The following POLR1B variants were observed in gnomAD, a reference collection of about 807,000 sequenced individuals.
POLR1B encodes RNA polymerase I subunit B.
A neutral mutation model predicts 105.8 loss-of-function variants in POLR1B; 30 were observed. The ratio of observed to expected loss-of-function variants is 0.28; its 90% CI spans 0.21 to 0.38. The LOEUF (loss-of-function observed/expected upper bound fraction) is 0.38, where lower values mean the gene tolerates loss of function less well. Ranked by LOEUF, POLR1B falls within the 10% of genes least tolerant of loss-of-function variation. POLR1B has a pLI of 1.00. For synonymous variants in POLR1B, 485 were observed against 505.1 expected (o/e 0.96, Z 0.53); for missense variants, 976 against 1,435.8 (o/e 0.68, Z 5.17).
chr2:112,573,734 T>C lies in POLR1B; in HGVS notation c.2444T>C (p.Ile815Thr). 1.2e-6 allele frequency: 2 copies of C among 1,614,238 alleles called. No individual in the cohort carries two copies. The highest frequency in any genetic ancestry group is 1.7e-6 in the Non-Finnish European group (2 of 1,180,034). ...TTAGATGACGATGGATTGCCGTTTA[T>C]AGGAGCAAAACTGCAGTACGGAGAT... ...QKLDDDGLPF[I>T]GAKLQYGDPY... Residue 815 changes from isoleucine to threonine, a missense_variant, in exon 14 of 15, where the codon ATA becomes ACA. Physicochemically the swap from Ile to Thr is moderately conservative, Grantham distance 89 (BLOSUM62 -1). Around this residue, in one of 12 missense-constraint regions of POLR1B, gnomAD observed 119 missense variants for 149.7 expected, o/e 0.79. Coordinates refer to ENST00000263331, the MANE Select transcript of POLR1B (RefSeq NM_019014.6).
chr2:112,556,113 C>G (rs1683645489), intron 7 of POLR1B, among the ~76,000 whole-genome samples: 1 of 152,204 alleles, frequency 6.6e-6, no homozygotes, highest in African/African-American at 2.4e-5. Flanking sequence ...ATGAAGTGTT[C>G]AGTGTACACC....
chr2:112,545,423 T>A (rs1682985992), intron 1 of POLR1B, among the ~76,000 whole-genome samples: 1 of 152,162 alleles, frequency 6.6e-6, no homozygotes, highest in Non-Finnish European at 1.5e-5. Flanking sequence ...AATACAAGAT[T>A]GTGTGTTGAT....
At chr2:112,571,563 C>A (rs1435240847) in intron 12 of POLR1B, among the ~76,000 whole-genome samples, 2 of 152,142 alleles carry the variant, frequency 1.3e-5, no homozygotes, top group Admixed American at 1.3e-4. Context: ...CATTCTTCAG[C>A]CTTAGGTGGG....
At position 112,542,466 on chromosome 2, in the gene POLR1B, A is replaced by G. The variant is rs765858157; in HGVS notation, c.-29A>G. ...AGACTGGCGTCCGGCGTGTACCGAGAGACTGGCGTCCGGTGTGCAGGTGGC... is the reference window on the plus strand; with the variant it reads ...AGACTGGCGTCCGGCGTGTACCGAGGGACTGGCGTCCGGTGTGCAGGTGGC... On this transcript the variant is annotated 5_prime_UTR_variant, in exon 1 of 15. Transcript: ENST00000263331. 1.9e-6 allele frequency: 3 copies of G among 1,541,502 alleles called. No individual in the cohort carries two copies. The highest frequency in any genetic ancestry group is 2.5e-5 in the East Asian group (1 of 40,236).
At chr2:112,547,710 T>TCGA in intron 3 of POLR1B, 143 bp downstream of exon 3, 1 of 845,620 alleles carries the variant, frequency 1.2e-6, no homozygotes. Flanking sequence ...GCATACAGTG[T>TCGA]ATGGCTCTGA....
At chr2:112,563,840 T>C (rs1162727847) in intron 9 of POLR1B, among the ~76,000 whole-genome samples, 1 of 152,172 alleles carries the variant, frequency 6.6e-6, no homozygotes, top group East Asian at 1.9e-4. Context: ...GAGGTTGCAG[T>C]GAGCCATGAT....
chr2:112,568,234 T>C, intron 11 of POLR1B, 97 bp downstream of exon 11: 1 of 1,226,866 alleles, frequency 8.2e-7, no homozygotes, highest in Non-Finnish European at 1.2e-6. Context: ...GGGTTGTTAA[T>C]GTTACAACAA....
At chr2:112,565,286 A>G (rs1008473001) in intron 10 of POLR1B, among the ~76,000 whole-genome samples, 4 of 152,222 alleles carry the variant, frequency 2.6e-5, no homozygotes, top group African/African-American at 7.2e-5. Context: ...CCCCCTGTAT[A>G]CACATTACCC....
intron 11 of POLR1B, 70 bp downstream of exon 11, chr2:112,568,207 C>T: frequency 7.0e-7 from 1 of 1,434,122 alleles, no homozygotes; most frequent in Non-Finnish European, 9.5e-7. Flanking sequence ...AGAGACTTAA[C>T]TCTTCCTTTT....
chr2:112,574,459 C>T (rs1253179950), intron 14 of POLR1B, among the ~76,000 whole-genome samples: 1 of 152,072 alleles, frequency 6.6e-6, no homozygotes, highest in African/African-American at 2.4e-5. Context: ...GTAGTTCACA[C>T]CTGCAATCCC....
At chr2:112,551,330 G>A (rs1486120374) in intron 5 of POLR1B, among the ~76,000 whole-genome samples, 1 of 152,150 alleles carries the variant, frequency 6.6e-6, no homozygotes. Flanking sequence ...CTGGTTGGTG[G>A]CAGGAGGTCT....
At chr2:112,542,107 G>C (rs936954991), upstream of POLR1B, 5 of 1,535,576 alleles carry the variant, frequency 3.3e-6, no homozygotes, top group African/African-American at 6.8e-5. Flanking sequence ...AAACAGAAGA[G>C]AGCCTGAGAA....
intron 7 of POLR1B, among the ~76,000 whole-genome samples, chr2:112,554,026 C>T: frequency 6.6e-6 from 1 of 152,188 alleles, no homozygotes; most frequent in East Asian, 1.9e-4. Flanking sequence ...TGGGGTTTCA[C>T]CATTTCAGCC....
Position 112,542,550 on chromosome 2 carries a change from T to C in POLR1B, c.56T>C (p.Leu19Ser), listed in dbSNP as rs1682811417. The change falls in exon 1 of 15, where the codon TTG becomes TCG. Residue 19 changes from leucine (L) to serine (S), a missense_variant. By Grantham distance (145) the Leu-to-Ser change is moderately radical. Around this residue, in one of 12 missense-constraint regions of POLR1B, gnomAD observed 452 missense variants for 616.5 expected, o/e 0.73. Coordinates refer to ENST00000263331, the MANE Select transcript of POLR1B (RefSeq NM_019014.6). ...CCCAGCGGGCCTAGCCTAAAGCACT[T>C]GACTGACCCCTCTTATGGAATCCCG... ...NLPSGPSLKH[L>S]TDPSYGIPRE... The C allele has an allele frequency of 6.2e-7, 1 of 1,614,098 alleles. No homozygotes were observed. Among genetic ancestry groups the C allele is most frequent in the African/African-American group, 1.3e-5 (1 of 75,022 alleles).
At chr2:112,573,497 CA>C in intron 13 of POLR1B, 64 bp from the exon 14 acceptor site, 1 of 1,536,758 alleles carries the variant, frequency 6.5e-7, no homozygotes, top group Admixed American at 2.0e-5. Flanking sequence ...ATGATAGTCC[CA>C]CCTAGTTTTA....
intron 9 of POLR1B, among the ~76,000 whole-genome samples, chr2:112,563,465 G>A (rs1196257490): frequency 6.6e-6 from 1 of 152,202 alleles, no homozygotes; most frequent in East Asian, 1.9e-4. Context: ...ACCCACAGAG[G>A]AGATTATTTC....
At position 112,568,036 on chromosome 2, in the gene POLR1B, CTG is replaced by C; in HGVS notation, c.1818_1819del (p.Tyr607ProfsTer11). The C allele has an allele frequency of 1.2e-6, 2 of 1,614,118 alleles. No homozygotes were observed. The highest frequency in any genetic ancestry group is 1.7e-6 in the Non-Finnish European group (2 of 1,179,950). On this transcript the variant is annotated frameshift_variant, in exon 11 of 15. Transcript: ENST00000263331. LOFTEE classifies it high-confidence loss of function. The part of the protein sequence containing the change: ...VLIPMTGKPS[L>X]YPGLFLFTTP... Reference sequence around the variant, plus strand: ...TATACCCATGACAGGAAAACCAAGTCTGTACCCAGGATTGTTCCTTTTTACCA... The same window carrying C: ...TATACCCATGACAGGAAAACCAAGTCTACCCAGGATTGTTCCTTTTTACCA...
rs559116037 is a variant in POLR1B at position 112,554,341 on chromosome 2, C to A, written c.1158+1525C>A. Among the ~76,000 whole-genome samples, 44 of 152,116 alleles carry A rather than the reference C, an allele frequency of 2.9e-4. 1 individual carries two copies. Among genetic ancestry groups the A allele is most frequent in the African/African-American group, 1.0e-3 (42 of 41,466 alleles). The stretch of plus-strand genomic sequence containing the variant: ...AGAGACGGGATTTCACCATGTTGGC[C>A]AGGCTGGTCTCGAACTCCTGACCTC... On this transcript the variant is annotated intron_variant, in intron 7 of 14. Transcript: ENST00000263331.
At chr2:112,564,816 C>T (rs1684192645) in intron 10 of POLR1B, among the ~76,000 whole-genome samples, 1 of 152,204 alleles carries the variant, frequency 6.6e-6, no homozygotes, top group Non-Finnish European at 1.5e-5. Context: ...TCTCAAAATA[C>T]AGATATTTCA....
Sources: gnomAD v4.1 joint callset for allele counts (sites outside exome capture counted in the v4.1 genomes callset) on GRCh38, gnomAD v4.1.1 for gene constraint, gnomAD v4.1.1 regional missense constraint, MANE v1.5 for transcripts, NCBI Gene and HGNC (gene_info 2026-07-23, HGNC 2026-07-21) for gene names.